The following MAX variants were observed in gnomAD, a reference collection of about 807,000 sequenced individuals.
MAX encodes the protein MYC associated transcriptional regulator X, also known as protein max.
A neutral mutation model predicts 22.3 loss-of-function variants in MAX; 3 were observed. The observed-to-expected ratio is 0.13, with a 90% confidence interval of 0.06 to 0.35. The LOEUF is 0.35. Among genes scored for constraint, MAX ranks in the 10% least tolerant of loss-of-function variants. MAX has a pLI of 1.00. For missense variants in MAX, 119 were observed against 209.4 expected (o/e 0.57, Z 2.66); for synonymous variants, 72 against 77.7 (o/e 0.93, Z 0.39).
At chr14:65,083,865 C>G in intron 3 of MAX, 1 of 1,233,628 alleles carries the variant, frequency 8.1e-7, no homozygotes, top group South Asian at 1.9e-5. Context: ...CAGGGCTAAA[C>G]TGGTGTACAT....
At chr14:65,045,508 C>T (rs937568349) in intron 3 of MAX, among the ~76,000 whole-genome samples, 1 of 151,284 alleles carries the variant, frequency 6.6e-6, no homozygotes, top group Non-Finnish European at 1.5e-5. Context: ...CTCCACCTCC[C>T]AGGTTCAAGC....
rs200104462 is a variant in MAX at position 65,084,396 on chromosome 14, C to CAA, written c.172-6362_172-6361dup. 33 of 569,828 alleles carry CAA rather than the reference C, an allele frequency of 5.8e-5. No individual in the cohort carries two copies. The highest frequency in any genetic ancestry group is 8.9e-5 in the Admixed American group (3 of 33,712). 35.3% of individuals were successfully genotyped at this position (569,828 alleles called of 1,614,324 possible). A position where few individuals can be genotyped will look rare whatever the true frequency, so the allele number is the denominator to read the frequency against. On this transcript the variant is annotated intron_variant, in intron 3 of 4. Coordinates refer to ENST00000358664, the MANE Select transcript of MAX (RefSeq NM_002382.5). The surrounding 1 kb of genome is among the most constrained non-coding windows in gnomAD (Gnocchi z 4.3). ...GTTTACTGAATTAGTTACCCTCTTC[C>CAA]AAAAAAAAAAATTCCAGTGATAATG...
intron 3 of MAX, chr14:65,061,371 A>G: frequency 6.2e-7 from 1 of 1,607,222 alleles, no homozygotes; most frequent in Non-Finnish European, 8.5e-7. Context: ...CAAGGTTTAT[A>G]CGTTTCAATA....
At chr14:65,037,752 ATTTATTTATTTAT>A (rs1566562961) in intron 3 of MAX, among the ~76,000 whole-genome samples, 19 of 103,962 alleles carry the variant, frequency 1.8e-4, no homozygotes, top group East Asian at 6.3e-4. Flanking sequence ...TTATTTATTT[ATTTATTTATTTAT>A]TTATTTATTT....
Position 65,012,196 on chromosome 14 carries a change from A to T in MAX, c.172-5912T>A. On this transcript the variant is annotated intron_variant, in intron 3 of 3. Transcript: ENST00000341653. The surrounding 1 kb of genome is among the most constrained non-coding windows in gnomAD (Gnocchi z 5.0). ...CAGAGAAGTTGCTGGTTATCCAGTC[A>T]GTGATTGCAGGGGGACGTCCTGAAG... The T allele has an allele frequency of 8.3e-7, 1 of 1,200,380 alleles. No homozygotes were observed. Among genetic ancestry groups the T allele is most frequent in the Non-Finnish European group, 1.2e-6 (1 of 836,050 alleles). 74.4% of individuals were successfully genotyped at this position (1,200,380 alleles called of 1,614,324 possible). A position where few individuals can be genotyped will look rare whatever the true frequency, so the allele number is the denominator to read the frequency against.
At position 65,054,513 on chromosome 14, in the gene MAX, G is replaced by T; in HGVS notation, c.171+39195C>A. On this transcript the variant is annotated intron_variant, in intron 3 of 3. Transcript: ENST00000341653. This position sits in a 1 kb window ranked among gnomAD's most constrained non-coding sequence, Gnocchi z 4.4. ...CACCAGTGGTCTCTGAATTGGTGTGGCTACATTTGTAGATGTGTGCGGAGC... is the reference window on the plus strand; with the variant it reads ...CACCAGTGGTCTCTGAATTGGTGTGTCTACATTTGTAGATGTGTGCGGAGC... The T allele has an allele frequency of 6.6e-7, 1 of 1,518,750 alleles. No individual in the cohort carries two copies. The highest frequency in any genetic ancestry group is 2.4e-5 in the East Asian group (1 of 41,524). 94.1% of individuals were successfully genotyped at this position (1,518,750 alleles called of 1,614,324 possible).
chr14:65,081,123 G>T (rs755230350), intron 3 of MAX, among the ~76,000 whole-genome samples: 1 of 152,200 alleles, frequency 6.6e-6, no homozygotes, highest in African/African-American at 2.4e-5. Flanking sequence ...GAGGCCTTCA[G>T]AATGCTAAGC....
chr14:65,059,029 TTTTC>T (rs2062804385), intron 3 of MAX, among the ~76,000 whole-genome samples: 1 of 152,154 alleles, frequency 6.6e-6, no homozygotes, highest in Admixed American at 6.5e-5. Context: ...TTTCTTTTTC[TTTTC>T]TTTTTCAGAG....
chr14:65,044,257 C>T lies in MAX; in HGVS notation c.172-37973G>A. ...ATTGACTCCTGGAGATTCTGTCGGG[C>T]TGGATTTTGTCTCTTTTAGCCTACA... is the stretch of plus-strand genomic sequence containing the variant. On this transcript the variant is annotated intron_variant, in intron 3 of 3. Coordinates refer to the MAX transcript ENST00000341653. The surrounding 1 kb of genome is among the most constrained non-coding windows in gnomAD (Gnocchi z 5.5). The T allele has an allele frequency of 2.5e-6, 4 of 1,606,386 alleles. No individual in the cohort carries two copies. The South Asian group carries it at 4.5e-5, about 18-fold the overall frequency.
At chr14:65,015,793 T>C in intron 3 of MAX, 1 of 1,540,052 alleles carries the variant, frequency 6.5e-7, no homozygotes, top group Non-Finnish European at 8.9e-7. Flanking sequence ...TGTTTCTGTT[T>C]TGTTTGTTTG....
intron 3 of MAX, among the ~76,000 whole-genome samples, chr14:65,035,286 G>T (rs887889097): frequency 6.6e-6 from 1 of 152,118 alleles, no homozygotes; most frequent in African/African-American, 2.4e-5. Context: ...GGAAGGGAGG[G>T]ACTAACTGCA....
At chr14:65,036,708 G>C (rs1052551740) in intron 3 of MAX, among the ~76,000 whole-genome samples, 2 of 150,278 alleles carry the variant, frequency 1.3e-5, no homozygotes, top group African/African-American at 4.9e-5. Flanking sequence ...TATTCTTTTT[G>C]TGTGTGATGG....
intron 3 of MAX, among the ~76,000 whole-genome samples, chr14:65,037,113 T>A (rs549576710): frequency 6.6e-6 from 1 of 152,044 alleles, no homozygotes; most frequent in African/African-American, 2.4e-5. Flanking sequence ...CTTTTTTTTT[T>A]TTCCTTTGAG....
intron 3 of MAX, among the ~76,000 whole-genome samples, chr14:65,063,781 T>A (rs954087835): frequency 6.6e-6 from 1 of 152,120 alleles, no homozygotes; most frequent in Non-Finnish European, 1.5e-5. Flanking sequence ...CCCAAGCTGG[T>A]CTCGAGCTCC....
At position 65,077,011 on chromosome 14, in the gene MAX, G is replaced by A. The variant is rs570380841; in HGVS notation, c.296-348C>T. The A allele has an allele frequency of 1.8e-6, 1 of 543,268 alleles. No individual in the cohort carries two copies. Among genetic ancestry groups the A allele is most frequent in the Non-Finnish European group, 3.3e-6 (1 of 303,704 alleles). 33.7% of individuals were successfully genotyped at this position (543,268 alleles called of 1,614,324 possible). A position where few individuals can be genotyped will look rare whatever the true frequency, so the allele number is the denominator to read the frequency against. On this transcript the variant is annotated intron_variant, in intron 4 of 4. Transcript: ENST00000358664. The surrounding 1 kb of genome is among the most constrained non-coding windows in gnomAD (Gnocchi z 6.3). ...AATAACAGAGGAGAAGCTGGCCCAGGAGCATGAGGCTCCACAAGGTGTGAG... is the reference window on the plus strand; with the variant it reads ...AATAACAGAGGAGAAGCTGGCCCAGAAGCATGAGGCTCCACAAGGTGTGAG...
rs2063103739 is a variant in MAX at position 65,077,942 on chromosome 14, T to G, written c.266A>C (p.Lys89Thr). ...HTHQQDIDDL[K>T]RQNALLEQQV... ...CTGCTCCAGAAGAGCATTCTGCCGCTTGAGGTCGTCAATATCTTGCTGGTG... is the reference window on the plus strand; with the variant it reads ...CTGCTCCAGAAGAGCATTCTGCCGCGTGAGGTCGTCAATATCTTGCTGGTG... The change falls in exon 4 of 5, where the codon AAG becomes ACG. Residue 89 changes from lysine (K) to threonine (T), a missense_variant. Physicochemically the swap from Lys to Thr is moderately conservative, Grantham distance 78. Transcript: ENST00000358664. The surrounding 1 kb of genome is among the most constrained non-coding windows in gnomAD (Gnocchi z 6.3). 6.2e-7 allele frequency: 1 copy of G among 1,614,244 alleles called. No individual in the cohort carries two copies. Among genetic ancestry groups the G allele is most frequent in the Admixed American group, 1.7e-5 (1 of 60,032 alleles).
intron 3 of MAX, among the ~76,000 whole-genome samples, chr14:65,056,438 T>C (rs1752616170): frequency 6.6e-6 from 1 of 152,204 alleles, no homozygotes; most frequent in Admixed American, 6.5e-5. Context: ...CATATTGTCA[T>C]CTTTGATAGA....
intron 2 of MAX, among the ~76,000 whole-genome samples, chr14:65,094,767 A>C (rs984498104): frequency 4.6e-5 from 7 of 152,258 alleles, no homozygotes; most frequent in African/African-American, 1.7e-4. Flanking sequence ...GCAGGTCCCC[A>C]TCAGAGGGGT....
In MAX at chr14:65,044,419, C is replaced by T. The variant is rs754841039; in HGVS notation, c.172-38135G>A. 5 of 1,612,912 alleles carry T rather than the reference C, an allele frequency of 3.1e-6. No individual in the cohort carries two copies. The highest frequency in any genetic ancestry group is 1.7e-5 in the Admixed American group (1 of 59,750). On this transcript the variant is annotated intron_variant, in intron 3 of 3. Transcript: ENST00000341653. The surrounding 1 kb of genome is among the most constrained non-coding windows in gnomAD (Gnocchi z 5.5). ...CTGGCAGGCGGGGCTCCTGCCCCTGCTCCACCGCGCACTGCACGCCCAAGG... is the reference window on the plus strand; with the variant it reads ...CTGGCAGGCGGGGCTCCTGCCCCTGTTCCACCGCGCACTGCACGCCCAAGG...
Sources: allele counts gnomAD v4.1 joint callset (sites outside exome capture counted in the v4.1 genomes callset), GRCh38; gene constraint gnomAD v4.1.1; non-coding constraint Gnocchi (gnomAD v3.1); transcripts MANE v1.5; gene names NCBI Gene and HGNC (gene_info 2026-07-23, HGNC 2026-07-21).